AASS: variants seen among roughly 807,000 people sequenced by gnomAD.
AASS encodes the protein aminoadipate-semialdehyde synthase.
A neutral mutation model predicts 105.4 loss-of-function variants in AASS; 86 were observed. That is an observed-to-expected ratio of 0.82 (90% CI 0.69 to 0.98). The LOEUF is 0.98. Ranked by LOEUF, AASS falls within the 50% of genes least tolerant of loss-of-function variation. The probability of loss-of-function intolerance (pLI) is 0.00; values close to 1 mark genes in which losing one functional copy is unlikely to be tolerated. For synonymous variants in AASS, 381 were observed against 394.8 expected (o/e 0.96, Z 0.41); for missense variants, 1,048 against 1,143.2 (o/e 0.92, Z 1.20).
intron 13 of AASS, among the ~76,000 whole-genome samples, chr7:122,100,538 C>T (rs1794379318): frequency 6.6e-6 from 1 of 151,830 alleles, no homozygotes. Flanking sequence ...GGGCAGATCT[C>T]TTTGTTTACT....
intron 4 of AASS, among the ~76,000 whole-genome samples, chr7:122,125,454 G>C (rs1448184650): frequency 6.6e-6 from 1 of 152,122 alleles, no homozygotes; most frequent in Non-Finnish European, 1.5e-5. Context: ...CTCACCAGCA[G>C]TTTTGCCACA....
chr7:122,116,219 T>C (rs932254491), intron 8 of AASS, among the ~76,000 whole-genome samples: 54 of 152,302 alleles, frequency 3.5e-4, no homozygotes, highest in Non-Finnish European at 2.5e-4. Context: ...ACCCTGATAA[T>C]CAATGGCATG....
chr7:122,110,397 G>A (rs915058552), intron 11 of AASS, among the ~76,000 whole-genome samples: 1 of 151,070 alleles, frequency 6.6e-6, no homozygotes, highest in Non-Finnish European at 1.5e-5. Flanking sequence ...TAGAAAATAA[G>A]CATACCAAAA....
chr7:122,143,141 A>G (rs1037186505), intron 1 of AASS, among the ~76,000 whole-genome samples: 6 of 152,064 alleles, frequency 3.9e-5, no homozygotes, highest in African/African-American at 1.4e-4. Flanking sequence ...CCAAAGTGCC[A>G]TCAGTGTTTT....
At chr7:122,079,258 C>T in intron 21 of AASS, 1 of 1,355,030 alleles carries the variant, frequency 7.4e-7, no homozygotes, top group South Asian at 1.5e-5. Context: ...ATTAGGTATA[C>T]CAGCAGGATG....
At chr7:122,090,347 A>G (rs938000486) in intron 18 of AASS, among the ~76,000 whole-genome samples, 1 of 152,130 alleles carries the variant, frequency 6.6e-6, no homozygotes, top group East Asian at 1.9e-4. Context: ...AGGAAGATTT[A>G]AAAAATCCTC....
At chr7:122,122,726 G>T (rs956107579) in intron 4 of AASS, among the ~76,000 whole-genome samples, 1 of 152,130 alleles carries the variant, frequency 6.6e-6, no homozygotes, top group African/African-American at 2.4e-5. Context: ...CACTACAGAA[G>T]AAAATCTATA....
chr7:122,102,701 A>G (rs2150525163), intron 11 of AASS, among the ~76,000 whole-genome samples: 1 of 152,150 alleles, frequency 6.6e-6, no homozygotes, highest in African/African-American at 2.4e-5. Flanking sequence ...ACTTCATCCT[A>G]ACTGAATTTA....
chr7:122,099,338 T>A (rs970514735), intron 13 of AASS, among the ~76,000 whole-genome samples: 3 of 151,926 alleles, frequency 2.0e-5, no homozygotes, highest in African/African-American at 7.2e-5. Context: ...TTATCCATAT[T>A]AGAAATTGTT....
Position 122,075,278 on chromosome 7 carries a change from C to A in AASS, c.*1211G>T, listed in dbSNP as rs762898470. 2.6e-5 allele frequency among the ~76,000 whole-genome samples: 4 copies of A among 152,202 alleles called. No individual in the cohort carries two copies. The highest frequency in any genetic ancestry group is 4.4e-5 in the Non-Finnish European group (3 of 68,028). On this transcript the variant is annotated 3_prime_UTR_variant, in exon 24 of 24. Transcript: ENST00000417368. ...GCATATTTAATCCTGTATCCTGTAA[C>A]TTTGCTGAATTTATTTATTAATAAA...
In AASS at chr7:122,093,112, T is replaced by C. The variant is rs1474644118; in HGVS notation, c.1702A>G (p.Thr568Ala). 1 of 1,613,876 alleles carries C rather than the reference T, an allele frequency of 6.2e-7. No individual in the cohort carries two copies. The highest frequency in any genetic ancestry group is 2.2e-5 in the East Asian group (1 of 44,886). ...LHPLVAKACI[T>A]NKVNMVTASY... ...GCAGTGACCATGTTAACTTTGTTTG[T>C]GATGCAGGCCTTGGCCACAAGAGGG... The change falls in exon 16 of 24, where the codon ACA (threonine) becomes GCA (alanine). Residue 568 changes from threonine to alanine, a missense_variant. Transcript: ENST00000417368.
chr7:122,121,574 T>C (rs1795441410), intron 4 of AASS, among the ~76,000 whole-genome samples: 2 of 152,094 alleles, frequency 1.3e-5, no homozygotes, highest in South Asian at 4.2e-4. Context: ...TTGCATTTTT[T>C]TGTAGAGATG....
chr7:122,089,184 G>T (rs1212755483), intron 18 of AASS, among the ~76,000 whole-genome samples: 2 of 152,082 alleles, frequency 1.3e-5, no homozygotes, highest in East Asian at 3.9e-4. Context: ...GAGGTTTTAA[G>T]TTGTTCAACA....
rs1296680268 is a variant in AASS, at chr7:122,133,554, A to C, written c.173T>G (p.Leu58Trp). The C allele has an allele frequency of 6.2e-7, 1 of 1,614,232 alleles. No homozygotes were observed. The highest frequency in any genetic ancestry group is 8.5e-7 in the Non-Finnish European group (1 of 1,180,044). Residue 58 changes from leucine (L) to tryptophan (W), a missense_variant, in exon 2 of 24, where the codon TTG becomes TGG. Coordinates refer to ENST00000417368, the MANE Select transcript of AASS (RefSeq NM_005763.4). ...GGCCCGCCGATTCGAAGGCTGTATC[A>C]AGACCTTGTATCCCAGATTGGTGAT... ...KGITNLGYKV[L>W]IQPSNRRAIH...
rs746833955 is a variant in AASS, at chr7:122,091,792, T to C, written c.1927A>G (p.Asn643Asp). Residue 643 changes from asparagine (N) to aspartate (D), a missense_variant, in exon 18 of 24, where the codon AAC becomes GAC. Physicochemically the swap from Asn to Asp is conservative, Grantham distance 23. Coordinates refer to ENST00000417368, the MANE Select transcript of AASS (RefSeq NM_005763.4). ...CTAAATTTATATCTCAATGGATTGT[T>C]TGAATGTTCAGGGGCTGGAAGCCCA... Reference protein sequence around the residue: ...CGGLPAPEHSNNPLRYKFSWS... With the variant: ...CGGLPAPEHSDNPLRYKFSWS... 5 of 1,613,418 alleles carry C rather than the reference T, an allele frequency of 3.1e-6. No individual in the cohort carries two copies. In the Admixed American group the frequency reaches 6.7e-5, roughly 22 times the overall value.
chr7:122,142,794 T>C (rs559862857), intron 1 of AASS, among the ~76,000 whole-genome samples: 2 of 152,330 alleles, frequency 1.3e-5, no homozygotes, highest in East Asian at 3.9e-4. Flanking sequence ...AATGAAAATG[T>C]TTTGTTAAAT....
intron 3 of AASS, among the ~76,000 whole-genome samples, chr7:122,128,074 C>G (rs1054356377): frequency 2.6e-5 from 4 of 152,126 alleles, no homozygotes; most frequent in African/African-American, 9.7e-5. Flanking sequence ...TTCCTGACTG[C>G]TCTCCTTTTT....
intron 3 of AASS, among the ~76,000 whole-genome samples, chr7:122,129,083 A>C (rs946447438): frequency 6.6e-6 from 1 of 152,164 alleles, no homozygotes; most frequent in Admixed American, 6.6e-5. Flanking sequence ...ATCTCAAAAA[A>C]AAATCCCATC....
At chr7:122,123,169 C>T (rs2150544873) in intron 4 of AASS, among the ~76,000 whole-genome samples, 1 of 152,252 alleles carries the variant, frequency 6.6e-6, no homozygotes, top group African/African-American at 2.4e-5. Flanking sequence ...TTAGCAAGAC[C>T]CCTAAGCATA....
Sources: allele counts gnomAD v4.1 joint callset (sites outside exome capture counted in the v4.1 genomes callset), GRCh38; gene constraint gnomAD v4.1.1; transcripts MANE v1.5; gene names NCBI Gene and HGNC (gene_info 2026-07-23, HGNC 2026-07-21).